CALN1: variants seen among roughly 807,000 people sequenced by gnomAD.
The protein encoded by CALN1 is calneuron 1.
In CALN1, 17 loss-of-function variants were observed where a neutral mutation model predicts 30.6. That is an observed-to-expected ratio of 0.56 (90% CI 0.38 to 0.83). The LOEUF is 0.83. CALN1 is among the 40% of genes least tolerant of loss of function. The pLI is 0.00. For synonymous variants in CALN1, 156 were observed against 131.4 expected, an observed-to-expected ratio of 1.19 and a Z score of -1.28; for missense variants, 291 against 354.9, an observed-to-expected ratio of 0.82 and a Z score of 1.45.
intron 5 of CALN1, among the ~76,000 whole-genome samples, chr7:71,850,511 C>T (rs1010856201): frequency 1.3e-5 from 2 of 152,184 alleles, no homozygotes; most frequent in African/African-American, 4.8e-5. Flanking sequence ...GGCCACTGTG[C>T]CAGCCTGACA....
chr7:72,349,121 A>G (rs994143953), intron 2 of CALN1, among the ~76,000 whole-genome samples: 18 of 152,320 alleles, frequency 1.2e-4, no homozygotes, highest in Middle Eastern at 3.4e-3. Context: ...GTAGAAAAAT[A>G]AGTGAGTTTG....
chr7:72,405,158 A>C (rs949783564), intron 1 of CALN1, among the ~76,000 whole-genome samples: 3 of 152,190 alleles, frequency 2.0e-5, no homozygotes, highest in African/African-American at 7.2e-5. Context: ...TTGGGCCGGC[A>C]CTTCCCAAGG....
intron 2 of CALN1, among the ~76,000 whole-genome samples, chr7:72,346,393 A>C (rs946699030): frequency 2.6e-5 from 4 of 152,306 alleles, no homozygotes; most frequent in African/African-American, 9.6e-5. Flanking sequence ...TTTCTGATTA[A>C]AACACCTAAC....
At chr7:72,177,029 C>G (rs1274522529) in intron 3 of CALN1, among the ~76,000 whole-genome samples, 3 of 152,158 alleles carry the variant, frequency 2.0e-5, no homozygotes, top group Non-Finnish European at 4.4e-5. Context: ...CCAAAGCCAT[C>G]CTCATATTAC....
intron 5 of CALN1, among the ~76,000 whole-genome samples, chr7:71,920,227 C>T (rs1794870164): frequency 6.6e-6 from 1 of 152,010 alleles, no homozygotes. Flanking sequence ...CCTGTACTGG[C>T]CTGTAAATAG....
intron 3 of CALN1, among the ~76,000 whole-genome samples, chr7:72,132,584 A>G (rs567522733): frequency 6.6e-6 from 1 of 152,314 alleles, no homozygotes; most frequent in South Asian, 2.1e-4. Context: ...ATATGTTTGC[A>G]TCTTGCACAG....
At chr7:72,311,066 T>TC (rs909730185) in intron 2 of CALN1, among the ~76,000 whole-genome samples, 50 of 152,060 alleles carry the variant, frequency 3.3e-4, no homozygotes, top group Non-Finnish European at 6.2e-4. Flanking sequence ...CCTTCCCACC[T>TC]CCTCCACCTC....
chr7:72,164,876 G>A (rs1788406247), intron 3 of CALN1, among the ~76,000 whole-genome samples: 1 of 151,928 alleles, frequency 6.6e-6, no homozygotes. Context: ...TTTGTTTTTT[G>A]TAGAGACAGG....
At chr7:72,299,643 C>T (rs916637095) in intron 2 of CALN1, among the ~76,000 whole-genome samples, 2 of 149,868 alleles carry the variant, frequency 1.3e-5, no homozygotes, top group South Asian at 4.2e-4. Context: ...AACAGTTGAT[C>T]TCACAAGTAA....
intron 5 of CALN1, among the ~76,000 whole-genome samples, chr7:71,820,188 C>A (rs770859411): frequency 1.3e-5 from 2 of 152,168 alleles, no homozygotes; most frequent in Non-Finnish European, 1.5e-5. Context: ...GCCAGACATT[C>A]CTTTTGATTG....
chr7:72,336,788 G>A (rs992368402), intron 2 of CALN1: 5 of 984,960 alleles, frequency 5.1e-6, no homozygotes, highest in Non-Finnish European at 6.0e-6. Flanking sequence ...CCGCAGGGAG[G>A]GGGCGGTGCG....
intron 5 of CALN1, among the ~76,000 whole-genome samples, chr7:71,986,961 CT>C (rs1156951738): frequency 6.6e-6 from 1 of 152,046 alleles, no homozygotes; most frequent in Non-Finnish European, 1.5e-5. Context: ...AACACCGTCT[CT>C]ATTAAAATTA....
At chr7:71,815,752 CTCCT>C (rs1434837618) in intron 5 of CALN1, among the ~76,000 whole-genome samples, 6 of 149,512 alleles carry the variant, frequency 4.0e-5, no homozygotes, top group Non-Finnish European at 8.9e-5. Flanking sequence ...CATTCCCTTC[CTCCT>C]TCTTTCCTTC....
At chr7:72,413,247 C>T (rs943480550), upstream of CALN1, among the ~76,000 whole-genome samples, 2 of 151,624 alleles carry the variant, frequency 1.3e-5, no homozygotes, top group Non-Finnish European at 2.9e-5. Context: ...ACACACCACA[C>T]ATACACACAT....
At chr7:72,256,462 A>C (rs1292161866) in intron 3 of CALN1, among the ~76,000 whole-genome samples, 1 of 152,146 alleles carries the variant, frequency 6.6e-6, no homozygotes, top group Non-Finnish European at 1.5e-5. Flanking sequence ...CCATCTCTAA[A>C]AAAGAAAAAA....
chr7:71,835,212 G>A (rs1376044582), intron 5 of CALN1, among the ~76,000 whole-genome samples: 1 of 152,146 alleles, frequency 6.6e-6, no homozygotes, highest in East Asian at 1.9e-4. Flanking sequence ...TTTGGTAACT[G>A]ATCACAAAGG....
intron 5 of CALN1, among the ~76,000 whole-genome samples, chr7:71,962,783 C>T (rs1797313424): frequency 6.6e-6 from 1 of 152,156 alleles, no homozygotes; most frequent in Non-Finnish European, 1.5e-5. Context: ...AAATGTGGGT[C>T]TTTTTTCCTT....
chr7:71,922,933 T>C (rs1795049571), intron 5 of CALN1, among the ~76,000 whole-genome samples: 1 of 148,474 alleles, frequency 6.7e-6, no homozygotes, highest in African/African-American at 2.5e-5. Context: ...CAATGTGTGC[T>C]TATAGATATA....
intron 2 of CALN1, among the ~76,000 whole-genome samples, chr7:72,394,027 G>C (rs1039367321): frequency 6.6e-6 from 1 of 152,218 alleles, no homozygotes; most frequent in Non-Finnish European, 1.5e-5. Context: ...AGATTTCCAA[G>C]AGATGGGGTC....
Sources: allele counts gnomAD v4.1 joint callset (sites outside exome capture counted in the v4.1 genomes callset), GRCh38; gene constraint gnomAD v4.1.1; transcripts MANE v1.5; gene names NCBI Gene and HGNC (gene_info 2026-07-23, HGNC 2026-07-21).